Variants in FECH observed in about 807,000 individuals in gnomAD.
FECH encodes ferrochelatase, mitochondrial.
FECH carries 40 observed loss-of-function variants against 56.9 expected under a neutral mutation model. The observed-to-expected ratio is 0.70, with a 90% confidence interval of 0.55 to 0.92. The LOEUF (loss-of-function observed/expected upper bound fraction) is 0.92. FECH is among the 40% of genes least tolerant of loss of function. The pLI is 0.00. For missense variants in FECH, 431 were observed against 529.1 expected, an observed-to-expected ratio of 0.81 and a Z score of 1.82; for synonymous variants, 175 against 198.6, an observed-to-expected ratio of 0.88 and a Z score of 1.00.
intron 4 of FECH, among the ~76,000 whole-genome samples, chr18:57,569,686 C>T (rs2051067974): frequency 6.6e-6 from 1 of 151,764 alleles, no homozygotes; most frequent in African/African-American, 2.4e-5. Context: ...GCCTCCCAAA[C>T]TGCTGGGGTG....
intron 6 of FECH, among the ~76,000 whole-genome samples, chr18:57,561,807 A>G (rs1465200528): frequency 6.6e-6 from 1 of 152,218 alleles, no homozygotes; most frequent in Non-Finnish European, 1.5e-5. Context: ...CTCCCAAAGC[A>G]AAACCCAGGC....
intron 4 of FECH, chr18:57,567,878 T>C (rs928332853): frequency 1.3e-5 from 2 of 152,190 alleles, no homozygotes; most frequent in African/African-American, 4.8e-5. Context: ...GGTTGGGTAC[T>C]GCAAAAAAGA....
chr18:57,573,431 G>T, intron 2 of FECH, 66 bp from the exon 3 acceptor site: 1 of 1,578,414 alleles, frequency 6.3e-7, no homozygotes, highest in South Asian at 1.1e-5. Context: ...GTGGACTCTT[G>T]GTTCAGCCAG....
intron 2 of FECH, 81 bp from the exon 3 acceptor site, chr18:57,573,446 C>T: frequency 6.6e-7 from 1 of 1,514,968 alleles, no homozygotes; most frequent in Non-Finnish European, 9.1e-7. Context: ...AGCCAGCAAA[C>T]TCTAATCTGT....
At position 57,556,236 on chromosome 18, in the gene FECH, C is replaced by A. The variant is rs190217424; in HGVS notation, c.805-1284G>T. 8.5e-5 allele frequency among the ~76,000 whole-genome samples: 13 copies of A among 152,260 alleles called. No homozygotes were observed. In the East Asian group the frequency reaches 2.5e-3, roughly 29 times the overall value. ...AAATGTAGATGGAATGAAGGAAACA[C>A]AAAGTTGCCATTAGGACAGCAATGT... On this transcript the variant is annotated intron_variant, in intron 7 of 10. Transcript: ENST00000262093.
intron 1 of FECH, among the ~76,000 whole-genome samples, chr18:57,584,493 T>A (rs572476243): frequency 6.6e-6 from 1 of 152,196 alleles, no homozygotes; most frequent in South Asian, 2.1e-4. Flanking sequence ...AAAAAAGTTC[T>A]TAAGTATCAA....
chr18:57,551,441 ACTGCT>A, intron 9 of FECH, 67 bp from the exon 10 acceptor site: 1 of 1,258,444 alleles, frequency 7.9e-7, no homozygotes, highest in Admixed American at 1.8e-5. Context: ...TTTCAAAGAA[ACTGCT>A]ACAAAAAAAT....
At chr18:57,555,491 A>G (rs111494734) in intron 7 of FECH, among the ~76,000 whole-genome samples, 3,023 of 152,080 alleles carry the variant, frequency 0.02, 47 homozygotes, top group East Asian at 0.092. Context: ...CTCTCTCCCC[A>G]CTCTTCCTGC....
chr18:57,568,106 G>A (rs1258728698), intron 4 of FECH, among the ~76,000 whole-genome samples: 1 of 152,174 alleles, frequency 6.6e-6, no homozygotes, highest in Non-Finnish European at 1.5e-5. Context: ...GCAACTCTTG[G>A]TGATTTGAGC....
At chr18:57,554,575 A>C (rs567371834) in intron 8 of FECH, 151 bp from the exon 9 acceptor site, 1 of 883,234 alleles carries the variant, frequency 1.1e-6, no homozygotes, top group Non-Finnish European at 1.8e-6. Context: ...TTTCACATGG[A>C]AACTTGAATC....
chr18:57,571,298 A>G, intron 4 of FECH, 94 bp downstream of exon 4: 1 of 1,312,802 alleles, frequency 7.6e-7, no homozygotes, highest in Non-Finnish European at 1.1e-6. Context: ...AGTTGCCAGT[A>G]CATATGAAGC....
At chr18:57,556,828 C>T (rs1034657460) in intron 7 of FECH, among the ~76,000 whole-genome samples, 1 of 150,158 alleles carries the variant, frequency 6.7e-6, no homozygotes, top group Non-Finnish European at 1.5e-5. Flanking sequence ...AGAGGCTCAC[C>T]CAAGTCTGGT....
At chr18:57,550,877 G>T in intron 10 of FECH, 31 bp from the exon 11 acceptor site, 1 of 1,612,366 alleles carries the variant, frequency 6.2e-7, no homozygotes, top group South Asian at 1.1e-5. Flanking sequence ...AAAGACGCAT[G>T]AGAAGCACAG....
Position 57,549,833 on chromosome 18 carries a change from A to G in FECH, c.*879T>C, listed in dbSNP as rs1237002151. 1 of 152,248 alleles carries G rather than the reference A, an allele frequency of 6.6e-6. No individual in the cohort carries two copies. Among genetic ancestry groups the G allele is most frequent in the Non-Finnish European group, 1.5e-5 (1 of 68,044 alleles). 9.4% of individuals were successfully genotyped at this position (152,248 alleles called of 1,614,324 possible). Reference sequence around the variant, plus strand: ...TTGACTTTATAAAATAATTCTTAAAACAAATGTTCAGAAAGAAGGCATTCA... The same window carrying G: ...TTGACTTTATAAAATAATTCTTAAAGCAAATGTTCAGAAAGAAGGCATTCA... On this transcript the variant is annotated 3_prime_UTR_variant, in exon 11 of 11. Transcript: ENST00000262093.
chr18:57,584,926 A>G (rs1012959350), intron 1 of FECH, among the ~76,000 whole-genome samples: 1 of 147,810 alleles, frequency 6.8e-6, no homozygotes, highest in Non-Finnish European at 1.5e-5. Context: ...CGGGAGGATC[A>G]CTTGATCCCA....
intron 4 of FECH, among the ~76,000 whole-genome samples, chr18:57,570,659 C>A (rs1052359847): frequency 6.6e-6 from 1 of 152,180 alleles, no homozygotes; most frequent in East Asian, 1.9e-4. Flanking sequence ...TTTCTCATAT[C>A]AGTTCAGTCT....
rs576826226 is a variant in FECH at position 57,545,952 on chromosome 18, T to C, written c.*4760A>G. ...AGTACTGTAGACAGTTGTCCTTCTA[T>C]ATTGGCAGGGAATTGGTTCCAGGAT... On this transcript the variant is annotated 3_prime_UTR_variant, in exon 11 of 11. Transcript: ENST00000262093. 9.8e-5 allele frequency among the ~76,000 whole-genome samples: 15 copies of C among 152,302 alleles called. No homozygotes were observed. Among genetic ancestry groups the C allele is most frequent in the African/African-American group, 2.9e-4 (12 of 41,574 alleles).
rs184785766 is a variant in FECH, at chr18:57,545,035, G to T, written c.*5677C>A. ...TACAGAATACTACATGGATTATCAA[G>T]GTTAAATCTATTCTTTCTTAACATG... On this transcript the variant is annotated 3_prime_UTR_variant, in exon 11 of 11. Coordinates refer to ENST00000262093, the MANE Select transcript of FECH (RefSeq NM_000140.5). Among the ~76,000 whole-genome samples the T allele has an allele frequency of 1.4e-4, 21 of 152,232 alleles. No homozygotes were observed. The highest frequency in any genetic ancestry group is 6.8e-3 in the Middle Eastern group (2 of 294).
intron 7 of FECH, among the ~76,000 whole-genome samples, chr18:57,558,012 G>C (rs1376032795): frequency 1.3e-5 from 2 of 152,212 alleles, no homozygotes; most frequent in African/African-American, 2.4e-5. Flanking sequence ...CCGTCCACAC[G>C]AGGCCCAGCA....
Sources: allele counts gnomAD v4.1 joint callset (sites outside exome capture counted in the v4.1 genomes callset), GRCh38; gene constraint gnomAD v4.1.1; transcripts MANE v1.5; gene names NCBI Gene and HGNC (gene_info 2026-07-23, HGNC 2026-07-21).